The following ACSS2 variants were observed in gnomAD, a reference collection of about 807,000 sequenced individuals.
ACSS2 encodes the protein acetyl-coenzyme A synthetase, cytoplasmic.
A neutral mutation model predicts 90.6 loss-of-function variants in ACSS2; 58 were observed. The observed-to-expected ratio is 0.64, with a 90% CI of 0.52 to 0.80. The LOEUF is 0.80. ACSS2 is among the 30% of genes least tolerant of loss of function. The pLI is 0.00. For missense variants in ACSS2, 759 were observed against 912.0 expected (o/e 0.83, Z 2.16); for synonymous variants, 300 against 330.9 (o/e 0.91, Z 1.01).
intron 2 of ACSS2, among the ~76,000 whole-genome samples, chr20:34,902,837 C>T (rs891680552): frequency 1.3e-4 from 20 of 151,850 alleles, no homozygotes; most frequent in African/African-American, 4.8e-4. Flanking sequence ...GTGATCCTCC[C>T]ACCTCAGCCT....
intron 13 of ACSS2, among the ~76,000 whole-genome samples, chr20:34,922,585 CAA>C (rs1007120535): frequency 8.5e-5 from 13 of 152,184 alleles, no homozygotes; most frequent in African/African-American, 3.1e-4. Flanking sequence ...TCCTGGGCAA[CAA>C]GAGCAAAATT....
chr20:34,900,867 T>G (rs2080639849), intron 2 of ACSS2, among the ~76,000 whole-genome samples: 1 of 152,200 alleles, frequency 6.6e-6, no homozygotes, highest in African/African-American at 2.4e-5. Flanking sequence ...ATTTTTATTT[T>G]TTTCCTTATG....
intron 7 of ACSS2, among the ~76,000 whole-genome samples, chr20:34,918,292 G>A (rs903047789): frequency 6.6e-6 from 1 of 152,150 alleles, no homozygotes; most frequent in African/African-American, 2.4e-5. Flanking sequence ...TTTGCCCAAG[G>A]TCATATAGCT....
chr20:34,877,920 A>ATAGATAGATAGATAGT (rs1334181840), intron 1 of ACSS2, among the ~76,000 whole-genome samples: 20 of 150,316 alleles, frequency 1.3e-4, no homozygotes, highest in South Asian at 8.4e-4. Flanking sequence ...AGATAGATAG[A>ATAGATAGATAGATAGT]TAGATAGATA....
intron 14 of ACSS2, among the ~76,000 whole-genome samples, chr20:34,923,798 C>T (rs1214862103): frequency 6.7e-6 from 1 of 149,536 alleles, no homozygotes; most frequent in East Asian, 2.0e-4. Flanking sequence ...CATGAGGGAT[C>T]TGTCCCCCCC....
At chr20:34,879,690 C>T (rs1256768394) in intron 1 of ACSS2, among the ~76,000 whole-genome samples, 1 of 152,202 alleles carries the variant, frequency 6.6e-6, no homozygotes, top group Admixed American at 6.5e-5. Context: ...CAAGATTGTG[C>T]CACTGCACTC....
chr20:34,925,842 A>G lies in ACSS2; in HGVS notation c.1726+76A>G, dbSNP rs996729584. On this transcript the variant is annotated intron_variant, in intron 15 of 17. Coordinates refer to ENST00000360596, the MANE Select transcript of ACSS2 (RefSeq NM_018677.4). ...ACACCCAGCCGAAGCCTTCCGCAAG[A>G]GCCCAGGAGTGTCCTTTGGCCAGAC... 4 of 1,519,088 alleles carry G rather than the reference A, an allele frequency of 2.6e-6. No homozygotes were observed. In the African/African-American group the frequency reaches 4.1e-5, roughly 16 times the overall value. 94.1% of individuals were successfully genotyped at this position (1,519,088 alleles called of 1,614,324 possible).
chr20:34,876,894 G>T (rs2079927923), intron 1 of ACSS2, 71 bp downstream of exon 1: 14 of 1,078,284 alleles, frequency 1.3e-5, no homozygotes, highest in Non-Finnish European at 1.7e-5. Flanking sequence ...GGGAGTCGGG[G>T]GCTCCCTTGG....
chr20:34,905,422 GC>G (rs1312396407), intron 2 of ACSS2, among the ~76,000 whole-genome samples: 2 of 151,952 alleles, frequency 1.3e-5, no homozygotes, highest in Non-Finnish European at 2.9e-5. Flanking sequence ...ACAGGCGCCC[GC>G]CACCACCCCC....
At chr20:34,897,428 T>C (rs975719494) in intron 2 of ACSS2, among the ~76,000 whole-genome samples, 2 of 152,230 alleles carry the variant, frequency 1.3e-5, no homozygotes, top group Non-Finnish European at 2.9e-5. Flanking sequence ...GGCTCTGCCT[T>C]ATTCTGGATG....
chr20:34,913,485 C>T lies in ACSS2; in HGVS notation c.559C>T (p.His187Tyr), dbSNP rs1423542078. 1 of 1,613,174 alleles carries T rather than the reference C, an allele frequency of 6.2e-7. No homozygotes were observed. Among genetic ancestry groups the T allele is most frequent in the Non-Finnish European group, 8.5e-7 (1 of 1,179,622 alleles). ...MLACARIGAL[H>Y]SIVFAGFSSE... ...GGCATGTGCCCGCATTGGGGCTTTG[C>T]ACTCCATTGTGGTAGGAGTTTGGGC... The change falls in exon 4 of 18, where the codon CAC becomes TAC. Residue 187 changes from histidine to tyrosine, a missense_variant. Transcript: ENST00000360596.
intron 2 of ACSS2, among the ~76,000 whole-genome samples, chr20:34,911,845 G>A (rs899084403): frequency 6.6e-6 from 1 of 151,676 alleles, no homozygotes; most frequent in Admixed American, 6.6e-5. Context: ...GTTTGAGACG[G>A]AGTCTTACTC....
intron 1 of ACSS2, among the ~76,000 whole-genome samples, chr20:34,878,412 A>G (rs1486180959): frequency 3.3e-5 from 5 of 152,202 alleles, no homozygotes; most frequent in Non-Finnish European, 7.3e-5. Context: ...TCTTCCATCT[A>G]TAAGATAGGT....
At chr20:34,891,718 T>C (rs965865175) in intron 2 of ACSS2, among the ~76,000 whole-genome samples, 2 of 152,134 alleles carry the variant, frequency 1.3e-5, no homozygotes, top group African/African-American at 2.4e-5. Context: ...AGCTGGAGGA[T>C]TTCATGTTTA....
At chr20:34,881,193 T>C (rs1325542024) in intron 1 of ACSS2, among the ~76,000 whole-genome samples, 2 of 128,088 alleles carry the variant, frequency 1.6e-5, no homozygotes, top group Admixed American at 7.6e-5. Context: ...CACCTGGCAA[T>C]TTTTTTTTTT....
upstream of ACSS2, chr20:34,876,595 C>G (rs1304820149): frequency 3.9e-6 from 5 of 1,294,128 alleles, no homozygotes; most frequent in Middle Eastern, 2.7e-4. Context: ...TTCTCAGTCC[C>G]GGCACCCGCC....
chr20:34,920,824 G>A, intron 9 of ACSS2, 115 bp downstream of exon 9: 2 of 1,470,874 alleles, frequency 1.4e-6, no homozygotes, highest in South Asian at 1.3e-5. Context: ...TCTGTTTTCT[G>A]GAGAAAGAGA....
upstream of ACSS2, chr20:34,876,458 C>A (rs944495497): frequency 5.4e-6 from 3 of 552,190 alleles, no homozygotes; most frequent in African/African-American, 3.9e-5. Flanking sequence ...TCCTTGCCAA[C>A]CTCGATCCCT....
chr20:34,903,224 C>T (rs1028740798), intron 2 of ACSS2, among the ~76,000 whole-genome samples: 2 of 151,910 alleles, frequency 1.3e-5, no homozygotes, highest in African/African-American at 4.8e-5. Flanking sequence ...CACCTGTGGT[C>T]CCAGCTACTT....
Sources: allele counts gnomAD v4.1 joint callset (sites outside exome capture counted in the v4.1 genomes callset), GRCh38; gene constraint gnomAD v4.1.1; transcripts MANE v1.5; gene names NCBI Gene and HGNC (gene_info 2026-07-23, HGNC 2026-07-21).